The following FGR variants were observed in gnomAD, a reference collection of about 807,000 sequenced individuals.
FGR encodes FGR proto-oncogene, Src family tyrosine kinase.
FGR carries 26 observed loss-of-function variants against 63.2 expected under a neutral mutation model. That is an observed-to-expected ratio of 0.41 (90% CI 0.30 to 0.57). The LOEUF (loss-of-function observed/expected upper bound fraction) is 0.57, where lower values mean the gene tolerates loss of function less well. Among genes scored for constraint, FGR ranks in the 20% least tolerant of loss-of-function variants. FGR has a pLI of 0.27. For missense variants in FGR, 511 were observed against 690.8 expected, an observed-to-expected ratio of 0.74 and a Z score of 2.92; for synonymous variants, 286 against 277.7, an observed-to-expected ratio of 1.03 and a Z score of -0.30.
intron 1 of FGR, among the ~76,000 whole-genome samples, chr1:27,628,516 TACACACACAC>T (rs56021900): frequency 3.2e-4 from 29 of 91,316 alleles, no homozygotes; most frequent in African/African-American, 3.4e-4. Context: ...CATGTAGGGA[TACACACACAC>T]ACACACACAC....
intron 1 of FGR, among the ~76,000 whole-genome samples, chr1:27,627,182 A>C (rs925150768): frequency 5.9e-5 from 9 of 152,038 alleles, no homozygotes; most frequent in African/African-American, 2.2e-4. Context: ...TATTTTAAAA[A>C]GAAAACAGAA....
chr1:27,620,793 A>G (rs2089905736), intron 5 of FGR, among the ~76,000 whole-genome samples: 1 of 151,232 alleles, frequency 6.6e-6, no homozygotes, highest in Non-Finnish European at 1.5e-5. Flanking sequence ...TGGGAGGCCA[A>G]GATGGGCGGA....
Position 27,615,957 on chromosome 1 carries a change from C to T in FGR, c.683-113G>A. The T allele has an allele frequency of 8.3e-7, 1 of 1,208,430 alleles. No individual in the cohort carries two copies. Among genetic ancestry groups the T allele is most frequent in the Non-Finnish European group, 1.1e-6 (1 of 887,966 alleles). The allele number at this position is 1,208,430 out of a possible 1,614,324, so 74.9% of individuals were successfully genotyped here. A position where few individuals can be genotyped will look rare whatever the true frequency, so the allele number is the denominator to read the frequency against. ...TAAGATCAGTTATAAGGAACTAGGCCCCAAGTGAGGTCACAGGCCAGGAAG... is the reference window on the plus strand; with the variant it reads ...TAAGATCAGTTATAAGGAACTAGGCTCCAAGTGAGGTCACAGGCCAGGAAG... On this transcript the variant is annotated intron_variant, in intron 7 of 12. Transcript: ENST00000374005. This position sits in a 1 kb window ranked among gnomAD's most constrained non-coding sequence, Gnocchi z 7.6.
chr1:27,625,504 A>C (rs2090006219), intron 1 of FGR, among the ~76,000 whole-genome samples: 1 of 152,196 alleles, frequency 6.6e-6, no homozygotes. Context: ...ATACACATGC[A>C]CATATACATG....
At chr1:27,631,261 G>T (rs933434193) in intron 1 of FGR, among the ~76,000 whole-genome samples, 1 of 152,108 alleles carries the variant, frequency 6.6e-6, no homozygotes, top group Non-Finnish European at 1.5e-5. Context: ...TCATACTTCC[G>T]GTCGAACACA....
chr1:27,629,125 C>A (rs1211686357), intron 1 of FGR, among the ~76,000 whole-genome samples: 1 of 150,442 alleles, frequency 6.6e-6, no homozygotes, highest in African/African-American at 2.4e-5. Flanking sequence ...AGAGAAAGAG[C>A]CAGAGAGACA....
At chr1:27,613,425 G>A (rs2089734545) in intron 11 of FGR, 75 bp from the exon 12 acceptor site, 1 of 1,528,884 alleles carries the variant, frequency 6.5e-7, no homozygotes. Flanking sequence ...AATGGGGTCT[G>A]GGCGCAGTGG....
At chr1:27,630,788 G>A (rs1038510901) in intron 1 of FGR, among the ~76,000 whole-genome samples, 6 of 151,958 alleles carry the variant, frequency 3.9e-5, no homozygotes, top group Admixed American at 2.0e-4. Context: ...TACAGGAGTC[G>A]CCTCCGAGAT....
At chr1:27,621,798 C>T (rs966252465) in intron 4 of FGR, 141 bp from the exon 5 acceptor site, 18 of 654,320 alleles carry the variant, frequency 2.8e-5, no homozygotes, top group Middle Eastern at 3.7e-4. Flanking sequence ...GGGCTTTTGT[C>T]CGCTCTGCCC....
chr1:27,612,840 G>T lies in FGR; in HGVS notation c.*74C>A. The T allele has an allele frequency of 7.0e-7, 1 of 1,436,392 alleles. No individual in the cohort carries two copies. 89.0% of individuals were successfully genotyped at this position (1,436,392 alleles called of 1,614,324 possible). Reference sequence around the variant, plus strand: ...CTATGGGGTTCTAAGCCAGCCTGGGGGCTTTGGAAGAACAGCTCTGGGGAT... The same window carrying T: ...CTATGGGGTTCTAAGCCAGCCTGGGTGCTTTGGAAGAACAGCTCTGGGGAT... On this transcript the variant is annotated 3_prime_UTR_variant, in exon 13 of 13. Transcript: ENST00000374005.
chr1:27,623,613 G>A (rs1453736972), intron 3 of FGR, 78 bp downstream of exon 3: 1 of 1,462,960 alleles, frequency 6.8e-7, no homozygotes, highest in Non-Finnish European at 9.5e-7. Context: ...GCTCCTAAGG[G>A]CAAGTTCGCA....
Position 27,623,747 on chromosome 1 carries a change from G to A in FGR, c.170C>T (p.Ser57Phe), listed in dbSNP as rs2148528890. ...GAAGCCAGGGTTGATGGCCTGAGAG[G>A]AGAAGTTGCTGTAGTTGGGGATGTG... ...FAHIPNYSNF[S>F]SQAINPGFLD... The change falls in exon 3 of 13, where the codon TCC (serine) becomes TTC (phenylalanine). Residue 57 changes from serine to phenylalanine, a missense_variant. By Grantham distance (155) the Ser-to-Phe change is radical. Coordinates refer to ENST00000374005, the MANE Select transcript of FGR (RefSeq NM_005248.3). The A allele has an allele frequency of 3.7e-6, 6 of 1,614,256 alleles. No individual in the cohort carries two copies. Among genetic ancestry groups the A allele is most frequent in the South Asian group, 3.3e-5 (3 of 91,086 alleles).
chr1:27,625,332 C>T (rs962947310), intron 1 of FGR, among the ~76,000 whole-genome samples, 181 bp from the exon 2 acceptor site: 1 of 152,160 alleles, frequency 6.6e-6, no homozygotes, highest in African/African-American at 2.4e-5. Flanking sequence ...TCACATAGGG[C>T]AAACCACCCA....
At position 27,621,651 on chromosome 1, in the gene FGR, A is replaced by T. The variant is rs1201908602; in HGVS notation, c.336T>A (p.Gly112=). The change falls in exon 5 of 13, where the codon GGT becomes GGA. Residue 112 remains glycine, a synonymous_variant. Coordinates refer to ENST00000374005, the MANE Select transcript of FGR (RefSeq NM_005248.3). ...TGAGAGACCGAGCCTCCCACCAGTCACCTTCACTGTAGGCACAGAACAGGG... is the reference window on the plus strand; with the variant it reads ...TGAGAGACCGAGCCTCCCACCAGTCTCCTTCACTGTAGGCACAGAACAGGG... ...EKFHILNNTE[G]DWWEARSLSS... 2 of 1,613,410 alleles carry T rather than the reference A, an allele frequency of 1.2e-6. No homozygotes were observed. The highest frequency in any genetic ancestry group is 1.7e-5 in the Admixed American group (1 of 59,980).
At position 27,617,101 on chromosome 1, in the gene FGR, A is replaced by T. The variant is rs1044719488; in HGVS notation, c.532+92T>A. The T allele has an allele frequency of 3.1e-6, 5 of 1,599,382 alleles. No homozygotes were observed. In the Admixed American group the frequency reaches 6.7e-5, roughly 21 times the overall value. ...AGCAGCATCCCTAGGACCTGGTCCC[A>T]GTCTTGGCCTTAACCCAAGCAGCCT... On this transcript the variant is annotated intron_variant, in intron 6 of 12. Coordinates refer to ENST00000374005, the MANE Select transcript of FGR (RefSeq NM_005248.3). The surrounding 1 kb of genome is among the most constrained non-coding windows in gnomAD (Gnocchi z 4.5).
chr1:27,627,794 C>T (rs1023517169), intron 1 of FGR, among the ~76,000 whole-genome samples: 3 of 152,024 alleles, frequency 2.0e-5, no homozygotes, highest in African/African-American at 7.3e-5. Flanking sequence ...TTTTTAGTAG[C>T]GATGGGTTTT....
chr1:27,619,724 G>A (rs1020807960), intron 5 of FGR, among the ~76,000 whole-genome samples: 4 of 152,230 alleles, frequency 2.6e-5, no homozygotes, highest in African/African-American at 9.6e-5. Flanking sequence ...CCACCTGGAT[G>A]TTCCTCTCCA....
Position 27,628,116 on chromosome 1 carries a change from C to T in FGR, c.-76-2965G>A, listed in dbSNP as rs142608024. Among the ~76,000 whole-genome samples, 299 of 148,984 alleles carry T rather than the reference C, an allele frequency of 2.0e-3. 5 individuals are homozygous for T. In the East Asian group the frequency reaches 0.035, roughly 17 times the overall value. On this transcript the variant is annotated intron_variant, in intron 1 of 12. Coordinates refer to ENST00000374005, the MANE Select transcript of FGR (RefSeq NM_005248.3). The stretch of plus-strand genomic sequence containing the variant: ...AAAAAATACAAAAATTGGCCAGGCA[C>T]GGTGGCTTACGCCTGTCACTGCACT...
At position 27,615,462 on chromosome 1, in the gene FGR, G is replaced by A. The variant is rs2148524232; in HGVS notation, c.990C>T (p.Ile330=). Residue 330 remains isoleucine, a synonymous_variant, in exon 9 of 13, where the codon ATC becomes ATT. Transcript: ENST00000374005. This position sits in a 1 kb window ranked among gnomAD's most constrained non-coding sequence, Gnocchi z 7.6. ...GACACATGAACTCGGTCACGATGTA[G>A]ATGGGCTCCTCCGACACCACGGCGT... The part of the protein sequence containing the change: ...QLYAVVSEEP[I]YIVTEFMCHG... 1.2e-6 allele frequency: 2 copies of A among 1,608,200 alleles called. No individual in the cohort carries two copies. Among genetic ancestry groups the A allele is most frequent in the Non-Finnish European group, 1.7e-6 (2 of 1,175,030 alleles).
Sources: gnomAD v4.1 joint callset for allele counts (sites outside exome capture counted in the v4.1 genomes callset) on GRCh38, gnomAD v4.1.1 for gene constraint, Gnocchi (gnomAD v3.1) non-coding constraint, MANE v1.5 for transcripts, NCBI Gene and HGNC (gene_info 2026-07-23, HGNC 2026-07-21) for gene names.